BSN: variants seen among roughly 807,000 people sequenced by gnomAD.
BSN encodes the protein bassoon presynaptic cytomatrix protein, also known as protein bassoon.
Under a neutral mutation model 264.8 loss-of-function variants are expected in BSN, and 57 were observed. That is an observed-to-expected ratio of 0.22 (90% CI 0.17 to 0.27). BSN has a LOEUF of 0.27. BSN is among the 10% of genes least tolerant of loss of function. BSN has a pLI of 1.00. For missense variants in BSN, 4,615 were observed against 5,232.5 expected (o/e 0.88, Z 3.64); for synonymous variants, 2,059 against 2,137.3 (o/e 0.96, Z 1.01).
intron 3 of BSN, among the ~76,000 whole-genome samples, chr3:49,647,930 C>A (rs987162051): frequency 6.6e-6 from 1 of 152,240 alleles, no homozygotes; most frequent in African/African-American, 2.4e-5. Flanking sequence ...ATTTTTAGCC[C>A]TTACTTCACA....
chr3:49,583,309 A>G lies in BSN; in HGVS notation c.224+28483A>G, dbSNP rs146414908. On this transcript the variant is annotated intron_variant, in intron 1 of 11. Coordinates refer to ENST00000296452, the MANE Select transcript of BSN (RefSeq NM_003458.4). The stretch of plus-strand genomic sequence containing the variant: ...GGATGTTCAGTCAACCTTGCATTCC[A>G]GAAATAAAGCCCAATAGAAGGATGT... Among the ~76,000 whole-genome samples the G allele has an allele frequency of 1.5e-3, 230 of 152,346 alleles. 5 individuals are homozygous for G. In the East Asian group the frequency reaches 0.037, roughly 25 times the overall value.
intron 1 of BSN, among the ~76,000 whole-genome samples, chr3:49,620,776 G>T (rs948447281): frequency 6.6e-6 from 1 of 152,164 alleles, no homozygotes; most frequent in Non-Finnish European, 1.5e-5. Context: ...ATCACTTGAG[G>T]TCAGGAGTTC....
chr3:49,662,851 G>A (rs934353990), intron 6 of BSN, 25 bp from the exon 7 acceptor site: 233 of 1,534,800 alleles, frequency 1.5e-4, no homozygotes, highest in Non-Finnish European at 2.0e-4. Flanking sequence ...GGGGGTTGAT[G>A]GTATTCTGTT....
rs914062345 is a variant in BSN, at chr3:49,662,060, G to C, written c.10215G>C (p.Gln3405His). 6.2e-7 allele frequency: 1 copy of C among 1,613,598 alleles called. No individual in the cohort carries two copies. Among genetic ancestry groups the C allele is most frequent in the African/African-American group, 1.3e-5 (1 of 74,946 alleles). The change falls in exon 6 of 12, where the codon CAG becomes CAC. Residue 3405 changes from glutamine (Q) to histidine (H), a missense_variant. Physicochemically the swap from Gln to His is conservative, Grantham distance 24 (BLOSUM62 0). Coordinates refer to ENST00000296452, the MANE Select transcript of BSN (RefSeq NM_003458.4). ...TGGTCTCTCGGGGCAGGAAGTTCCA[G>C]GATGAAATCACCTATGGGCTCAAGA... ...SSLVSRGRKF[Q>H]DEITYGLKKN...
In BSN at chr3:49,662,237, G is replaced by A; in HGVS notation, c.10392G>A (p.Lys3464=). ...GCCACGACTTCAGTGGCTGGGGCAA[G>A]GGGTACGAAAGGGAACGGGAGGCTG... The part of the protein sequence containing the change: ...LSSHDFSGWG[K]GYEREREAVE... The change falls in exon 6 of 12, where the codon AAG becomes AAA. Residue 3464 remains lysine (K), a synonymous_variant. Coordinates refer to ENST00000296452, the MANE Select transcript of BSN (RefSeq NM_003458.4). 4 of 1,613,924 alleles carry A rather than the reference G, an allele frequency of 2.5e-6. No individual in the cohort carries two copies. Among genetic ancestry groups the A allele is most frequent in the Non-Finnish European group, 3.4e-6 (4 of 1,179,934 alleles).
At chr3:49,635,608 C>T (rs1202957816) in intron 2 of BSN, among the ~76,000 whole-genome samples, 1 of 152,192 alleles carries the variant, frequency 6.6e-6, no homozygotes, top group Admixed American at 6.5e-5. Context: ...GGCTTTATCA[C>T]GTATCCATTC....
chr3:49,566,732 G>C (rs2051754682), intron 1 of BSN, among the ~76,000 whole-genome samples: 1 of 147,640 alleles, frequency 6.8e-6, no homozygotes, highest in African/African-American at 2.5e-5. Flanking sequence ...ACTGCAGTGA[G>C]CTGAAATCGT....
intron 1 of BSN, among the ~76,000 whole-genome samples, chr3:49,610,599 A>AAAAC (rs1553662627): frequency 6.6e-6 from 1 of 151,064 alleles, no homozygotes; most frequent in Non-Finnish European, 1.5e-5. Context: ...AAAAAAAAAA[A>AAAAC]AAAAAAACAA....
chr3:49,632,001 C>T (rs919426606), intron 2 of BSN, among the ~76,000 whole-genome samples: 8 of 152,276 alleles, frequency 5.3e-5, no homozygotes, highest in South Asian at 2.1e-4. Flanking sequence ...GAGTAGAATA[C>T]GTAGCCCAGA....
At chr3:49,631,409 G>T (rs945976741) in intron 2 of BSN, among the ~76,000 whole-genome samples, 5 of 151,880 alleles carry the variant, frequency 3.3e-5, no homozygotes, top group African/African-American at 1.2e-4. Context: ...AATACATGGT[G>T]CAAAGATACA....
rs1351239753 is a variant in BSN at position 49,652,717 on chromosome 3, G to A, written c.3161G>A (p.Arg1054His). 12 of 1,567,342 alleles carry A rather than the reference G, an allele frequency of 7.7e-6. No individual in the cohort carries two copies. Among genetic ancestry groups the A allele is most frequent in the African/African-American group, 1.4e-5 (1 of 73,530 alleles). ...EELREEEELL[R>H]EQEKMREVEQ... is the part of the protein sequence containing the mutation. ...CTGCGGGAGGAAGAGGAGCTGCTTC[G>A]TGAGCAAGAGAAGATGCGGGAGGTG... is the stretch of plus-strand genomic sequence containing the variant. The change falls in exon 5 of 12, where the codon CGT (arginine) becomes CAT (histidine). Residue 1054 changes from arginine (R) to histidine (H), a missense_variant. Arg to His is a conservative substitution (Grantham distance 29). Coordinates refer to ENST00000296452, the MANE Select transcript of BSN (RefSeq NM_003458.4).
In BSN at chr3:49,649,784, C is replaced by T. The variant is rs377303713; in HGVS notation, c.1519-828C>T. Among the ~76,000 whole-genome samples the T allele has an allele frequency of 5.9e-5, 9 of 152,348 alleles. No individual in the cohort carries two copies. The East Asian group carries it at 1.2e-3, about 20-fold the overall frequency. ...CTGAGTCATGGCTGTCTTCAGCCCC[C>T]AGCACTGGGCCTGAAACAGTAGAGG... On this transcript the variant is annotated intron_variant, in intron 3 of 11. Transcript: ENST00000296452.
At position 49,654,894 on chromosome 3, in the gene BSN, G is replaced by T; in HGVS notation, c.5338G>T (p.Ala1780Ser). Residue 1780 changes from alanine (A) to serine (S), a missense_variant, in exon 5 of 12, where the codon GCT (alanine) becomes TCT (serine). Physicochemically the swap from Ala to Ser is moderately conservative, Grantham distance 99. Transcript: ENST00000296452. The surrounding 1 kb of genome is among the most constrained non-coding windows in gnomAD (Gnocchi z 4.1). ...GGCCCAGGTCAAACAAGTAGAGCAG[G>T]CTGTCCAGACAGCCCCATACCGAAG... ...CLAQVKQVEQ[A>S]VQTAPYRSGP... is the part of the protein sequence containing the mutation. 1 of 1,613,372 alleles carries T rather than the reference G, an allele frequency of 6.2e-7. No individual in the cohort carries two copies. Among genetic ancestry groups the T allele is most frequent in the Non-Finnish European group, 8.5e-7 (1 of 1,179,886 alleles).
At chr3:49,631,918 G>T (rs1049645532) in intron 2 of BSN, among the ~76,000 whole-genome samples, 1 of 152,208 alleles carries the variant, frequency 6.6e-6, no homozygotes, top group Non-Finnish European at 1.5e-5. Context: ...CACACTTCCT[G>T]ATTTCAAAAC....
At chr3:49,588,514 C>G (rs1319992015) in intron 1 of BSN, among the ~76,000 whole-genome samples, 2 of 152,012 alleles carry the variant, frequency 1.3e-5, no homozygotes, top group Non-Finnish European at 2.9e-5. Flanking sequence ...TTTTCAAATG[C>G]TTTTTCAGCA....
intron 1 of BSN, among the ~76,000 whole-genome samples, chr3:49,584,084 A>G (rs1166267366): frequency 1.3e-5 from 2 of 151,834 alleles, no homozygotes; most frequent in Non-Finnish European, 2.9e-5. Flanking sequence ...ACGGGGTTTC[A>G]CCGTGTTAGC....
At chr3:49,595,417 G>A (rs1387701685) in intron 1 of BSN, among the ~76,000 whole-genome samples, 1 of 146,548 alleles carries the variant, frequency 6.8e-6, no homozygotes, top group Non-Finnish European at 1.5e-5. Flanking sequence ...TTGAACTCCT[G>A]ACCTCAGGTG....
chr3:49,566,788 G>GAA (rs36043715), intron 1 of BSN, among the ~76,000 whole-genome samples: 14 of 86,062 alleles, frequency 1.6e-4, no homozygotes, highest in African/African-American at 1.8e-4. Context: ...TGTGTTTCAG[G>GAA]AAAAAAAAAA....
At chr3:49,563,990 C>T (rs2051734439) in intron 1 of BSN, among the ~76,000 whole-genome samples, 1 of 152,154 alleles carries the variant, frequency 6.6e-6, no homozygotes, top group African/African-American at 2.4e-5. Flanking sequence ...CTGTACCTGC[C>T]ACGTGCCAGG....
Sources: allele counts gnomAD v4.1 joint callset (sites outside exome capture counted in the v4.1 genomes callset), GRCh38; gene constraint gnomAD v4.1.1; non-coding constraint Gnocchi (gnomAD v3.1); transcripts MANE v1.5; gene names NCBI Gene and HGNC (gene_info 2026-07-23, HGNC 2026-07-21).